STARD3: variants seen among roughly 807,000 people sequenced by gnomAD.
STARD3 encodes stAR-related lipid transfer protein 3.
Under a neutral mutation model 62.0 loss-of-function variants are expected in STARD3, and 39 were observed. That is an observed-to-expected ratio of 0.63 (90% CI 0.49 to 0.82). STARD3 has a LOEUF of 0.82. Among genes scored for constraint, STARD3 ranks in the 40% least tolerant of loss-of-function variants. The pLI, the probability that STARD3 is intolerant of heterozygous loss-of-function variation, is 0.00. For synonymous variants in STARD3, 229 were observed against 242.4 expected (o/e 0.94, Z 0.51); for missense variants, 543 against 584.5 (o/e 0.93, Z 0.73).
intron 1 of STARD3, among the ~76,000 whole-genome samples, chr17:39,647,757 CT>C (rs2057040898): frequency 6.6e-6 from 1 of 152,204 alleles, no homozygotes; most frequent in South Asian, 2.1e-4. Context: ...TCAGTAGCTG[CT>C]TTTACCCATA....
Position 39,658,439 on chromosome 17 carries a change from CCAT to C in STARD3, c.466_468del (p.Ile156del). The C allele has an allele frequency of 6.2e-7, 1 of 1,614,152 alleles. No homozygotes were observed. The highest frequency in any genetic ancestry group is 1.7e-5 in the Admixed American group (1 of 60,030). On this transcript the variant is annotated inframe_deletion, in exon 6 of 15. Coordinates refer to ENST00000336308, the MANE Select transcript of STARD3 (RefSeq NM_006804.4). ...AAAGGGGCATTTGGCTACCTGCTCC[CCAT>C]CGTCTCTTTTGTCCTCGCCTGGTTG...
rs1022756263 is a variant in STARD3 at position 39,663,558 on chromosome 17, C to G, written c.*650C>G. On this transcript the variant is annotated 3_prime_UTR_variant, in exon 15 of 15. Transcript: ENST00000336308. ...CAGCAGCTTGGATGAAGAGGGAAGA[C>G]CCCTCACACAGCCTCTCCTGGGCTC... The G allele has an allele frequency of 2.0e-5, 3 of 152,478 alleles. No individual in the cohort carries two copies. The highest frequency in any genetic ancestry group is 4.4e-5 in the Non-Finnish European group (3 of 68,272). The allele number at this position is 152,478 out of a possible 1,614,324, so 9.4% of individuals were successfully genotyped here. A position where few individuals can be genotyped will look rare whatever the true frequency, so the allele number is the denominator to read the frequency against.
rs141389082 is a variant in STARD3 at position 39,638,441 on chromosome 17, C to G, written c.-52+1210C>G. Among the ~76,000 whole-genome samples, 19 of 152,316 alleles carry G rather than the reference C, an allele frequency of 1.2e-4. No individual in the cohort carries two copies. In the East Asian group the frequency reaches 2.3e-3, roughly 19 times the overall value. Reference sequence around the variant, plus strand: ...GTGTGCACCCTAAGGTCCAATAATACGGCACTGCAGCATGCGCCATGCCTA... The same window carrying G: ...GTGTGCACCCTAAGGTCCAATAATAGGGCACTGCAGCATGCGCCATGCCTA... On this transcript the variant is annotated intron_variant, in intron 1 of 14. Coordinates refer to ENST00000336308, the MANE Select transcript of STARD3 (RefSeq NM_006804.4).
Position 39,659,935 on chromosome 17 carries a change from CT to C in STARD3, c.796-274del, listed in dbSNP as rs1276166511. ...CCCCAGTCCCTCTCTCTGGCCAGTT[CT>C]TGTGGCAGCCCCATTGGCCTGGAGA... On this transcript the variant is annotated intron_variant, in intron 9 of 14. Coordinates refer to ENST00000336308, the MANE Select transcript of STARD3 (RefSeq NM_006804.4). 10 of 557,622 alleles carry C rather than the reference CT, an allele frequency of 1.8e-5. No individual in the cohort carries two copies. In the East Asian group the frequency reaches 2.7e-4, roughly 15 times the overall value. 34.5% of individuals were successfully genotyped at this position (557,622 alleles called of 1,614,324 possible).
intron 1 of STARD3, among the ~76,000 whole-genome samples, chr17:39,644,164 G>T (rs886803323): frequency 2.0e-5 from 3 of 152,138 alleles, no homozygotes; most frequent in Non-Finnish European, 4.4e-5. Context: ...AGCCTCTGGG[G>T]GATTTGGAGA....
chr17:39,659,318 C>A, intron 8 of STARD3, 143 bp from the exon 9 acceptor site: 1 of 992,124 alleles, frequency 1.0e-6, no homozygotes, highest in Non-Finnish European at 1.5e-6. Context: ...CTGCAGGGCC[C>A]AGGGAGACCA....
chr17:39,655,355 T>G (rs2057117134), intron 2 of STARD3, among the ~76,000 whole-genome samples: 1 of 152,054 alleles, frequency 6.6e-6, no homozygotes, highest in African/African-American at 2.4e-5. Flanking sequence ...GGCTATTTTT[T>G]TTTTTTTTGG....
chr17:39,662,261 G>A lies in STARD3; in HGVS notation c.1150G>A (p.Gly384Ser), dbSNP rs1408810931. 1 of 1,613,736 alleles carries A rather than the reference G, an allele frequency of 6.2e-7. No individual in the cohort carries two copies. The highest frequency in any genetic ancestry group is 8.5e-7 in the Non-Finnish European group (1 of 1,179,926). Residue 384 changes from glycine to serine, a missense_variant, in exon 14 of 15, where the codon GGC becomes AGC. Gly to Ser is a moderately conservative substitution (Grantham distance 56). Transcript: ENST00000336308. ...PTHKYVRGEN[G>S]PGGFIVLKSA... ...TGCCTCTTTCCATAGGGGAGAGAAT[G>A]GCCCTGGGGGCTTCATCGTGCTCAA...
chr17:39,656,448 G>A (rs1046386981), intron 2 of STARD3, among the ~76,000 whole-genome samples: 4 of 152,190 alleles, frequency 2.6e-5, no homozygotes, highest in Non-Finnish European at 5.9e-5. Flanking sequence ...GTGGGCTGGG[G>A]TAGGGACAGG....
chr17:39,654,838 A>C (rs1198084672), intron 2 of STARD3, among the ~76,000 whole-genome samples: 2 of 152,270 alleles, frequency 1.3e-5, no homozygotes, highest in East Asian at 3.9e-4. Context: ...TGATGAGCTC[A>C]GAGAAGGGGC....
At chr17:39,661,886 C>T (rs1043600177) in intron 13 of STARD3, among the ~76,000 whole-genome samples, 2 of 152,182 alleles carry the variant, frequency 1.3e-5, no homozygotes, top group African/African-American at 4.8e-5. Context: ...GTGTCCCCTC[C>T]TGAAGGGGAA....
In STARD3 at chr17:39,663,977, A is replaced by G. The variant is rs1199936518; in HGVS notation, c.*1069A>G. ...CCGGATCGCAGGGCGGGGCCAGGCCACTGCCTGCCTTCCTCCTCCCTCCCG... is the reference window on the plus strand; with the variant it reads ...CCGGATCGCAGGGCGGGGCCAGGCCGCTGCCTGCCTTCCTCCTCCCTCCCG... On this transcript the variant is annotated 3_prime_UTR_variant, in exon 15 of 15. Transcript: ENST00000336308. 6.6e-6 allele frequency among the ~76,000 whole-genome samples: 1 copy of G among 152,086 alleles called. No homozygotes were observed. Among genetic ancestry groups the G allele is most frequent in the Non-Finnish European group, 1.5e-5 (1 of 67,990 alleles).
chr17:39,657,459 G>T (rs146478395), intron 3 of STARD3, among the ~76,000 whole-genome samples: 2 of 151,886 alleles, frequency 1.3e-5, no homozygotes, highest in African/African-American at 4.8e-5. Context: ...CCTGGGAGGC[G>T]GAGGTTGCAG....
intron 9 of STARD3, 99 bp downstream of exon 9, chr17:39,659,652 G>A (rs2057173100): frequency 3.1e-6 from 4 of 1,275,684 alleles, no homozygotes; most frequent in Middle Eastern, 1.8e-4. Flanking sequence ...ACATGGGTTG[G>A]AGCCATATTC....
At chr17:39,656,439 T>G (rs1488435625) in intron 2 of STARD3, among the ~76,000 whole-genome samples, 1 of 152,110 alleles carries the variant, frequency 6.6e-6, no homozygotes. Flanking sequence ...AAATGTCTGG[T>G]GGGCTGGGGT....
Position 39,660,105 on chromosome 17 carries a change from C to T in STARD3, c.796-106C>T, listed in dbSNP as rs2057178415. 2 of 1,142,128 alleles carry T rather than the reference C, an allele frequency of 1.8e-6. No homozygotes were observed. The highest frequency in any genetic ancestry group is 3.1e-5 in the African/African-American group (2 of 65,566). The allele number at this position is 1,142,128 out of a possible 1,614,324, so 70.7% of individuals were successfully genotyped here. ...GGTGTCCCCAAACTCCTGGAGTTTT[C>T]CACCCTGAGCTGTTAAAAACCTGCC... On this transcript the variant is annotated intron_variant, in intron 9 of 14. Transcript: ENST00000336308. The surrounding 1 kb of genome is among the most constrained non-coding windows in gnomAD (Gnocchi z 4.8).
At position 39,659,119 on chromosome 17, in the gene STARD3, C is replaced by T. The variant is rs185851418; in HGVS notation, c.702+13C>T. The T allele has an allele frequency of 6.2e-7, 1 of 1,614,188 alleles. No individual in the cohort carries two copies. Among genetic ancestry groups the T allele is most frequent in the Admixed American group, 1.7e-5 (1 of 60,022 alleles). On this transcript the variant is annotated intron_variant, in intron 8 of 14. Transcript: ENST00000336308. ...TTTCTCTGCTCAGGTATTTGCCTGCCTACCCCTAACCCCTGCCCTTGGAAT... is the reference window on the plus strand; with the variant it reads ...TTTCTCTGCTCAGGTATTTGCCTGCTTACCCCTAACCCCTGCCCTTGGAAT...
At chr17:39,658,187 C>G (rs779749285) in intron 5 of STARD3, 161 bp downstream of exon 5, 5 of 933,888 alleles carry the variant, frequency 5.4e-6, no homozygotes, top group Non-Finnish European at 6.7e-6. Context: ...ATCCTTCACC[C>G]GCTTCCCTGA....
chr17:39,659,026 T>G (rs1166046258), intron 7 of STARD3, 25 bp from the exon 8 acceptor site: 2 of 1,613,988 alleles, frequency 1.2e-6, no homozygotes, highest in African/African-American at 2.7e-5. Context: ...CCCTTGCCAT[T>G]GTCATCTGTG....
Sources: allele counts gnomAD v4.1 joint callset (sites outside exome capture counted in the v4.1 genomes callset), GRCh38; gene constraint gnomAD v4.1.1; non-coding constraint Gnocchi (gnomAD v3.1); transcripts MANE v1.5; gene names NCBI Gene and HGNC (gene_info 2026-07-23, HGNC 2026-07-21).